Variants in PTPRO observed in about 807,000 individuals in gnomAD.
PTPRO encodes protein tyrosine phosphatase receptor type O.
A neutral mutation model predicts 145.2 loss-of-function variants in PTPRO; 62 were observed. The observed-to-expected ratio is 0.43, with a 90% CI of 0.35 to 0.53. The LOEUF is 0.53. Among genes scored for constraint, PTPRO ranks in the 20% least tolerant of loss-of-function variants. The probability of loss-of-function intolerance (pLI) is 0.01; values close to 1 mark genes in which losing one functional copy is unlikely to be tolerated. For synonymous variants in PTPRO, 565 were observed against 514.7 expected (o/e 1.10, Z -1.32); for missense variants, 1,345 against 1,482.7 (o/e 0.91, Z 1.53).
At chr12:15,503,673 C>T (rs951058518) in intron 5 of PTPRO, among the ~76,000 whole-genome samples, 9 of 152,008 alleles carry the variant, frequency 5.9e-5, no homozygotes, top group Admixed American at 2.6e-4. Flanking sequence ...AGACCCATCC[C>T]TAGTTTTATT....
At chr12:15,328,508 A>G (rs987373762) in intron 1 of PTPRO, among the ~76,000 whole-genome samples, 2 of 152,054 alleles carry the variant, frequency 1.3e-5, no homozygotes, top group Admixed American at 1.3e-4. Context: ...CCTTTTTTTC[A>G]GGAAATTGAG....
At chr12:15,550,240 T>A (rs1341101681) in intron 14 of PTPRO, among the ~76,000 whole-genome samples, 1 of 152,158 alleles carries the variant, frequency 6.6e-6, no homozygotes, top group African/African-American at 2.4e-5. Context: ...TAAAGTAAGC[T>A]AGAGAAAAGA....
intron 1 of PTPRO, among the ~76,000 whole-genome samples, chr12:15,398,081 T>A (rs531781164): frequency 4.3e-4 from 65 of 152,280 alleles, no homozygotes; most frequent in Non-Finnish European, 7.6e-4. Flanking sequence ...GCTGCTCCCA[T>A]CTTTAATGTG....
chr12:15,508,337 G>C (rs1427635949), intron 6 of PTPRO, among the ~76,000 whole-genome samples: 3 of 152,160 alleles, frequency 2.0e-5, no homozygotes, highest in African/African-American at 7.2e-5. Flanking sequence ...GATGATTGAA[G>C]TGGCACTTTT....
chr12:15,456,721 G>A (rs1433479498), intron 1 of PTPRO, among the ~76,000 whole-genome samples: 1 of 152,042 alleles, frequency 6.6e-6, no homozygotes, highest in East Asian at 1.9e-4. Flanking sequence ...ATACAGCCAT[G>A]TCTTCTAGGT....
intron 8 of PTPRO, among the ~76,000 whole-genome samples, 157 bp from the exon 9 acceptor site, chr12:15,516,606 A>AAAGGGAGGAAGGGAGG (rs1555172034): frequency 7.6e-5 from 9 of 118,776 alleles, no homozygotes; most frequent in African/African-American, 3.4e-4. Flanking sequence ...AGGAAGCAAG[A>AAAGGGAGGAAGGGAGG]AAGGGAGGAA....
At chr12:15,355,662 G>A (rs553639324) in intron 1 of PTPRO, among the ~76,000 whole-genome samples, 1 of 152,308 alleles carries the variant, frequency 6.6e-6, no homozygotes, top group South Asian at 2.1e-4. Context: ...CCCCAAAATA[G>A]AGCACTTTAA....
At chr12:15,509,835 T>C (rs4471493) in intron 7 of PTPRO, among the ~76,000 whole-genome samples, 87,339 of 151,920 alleles carry the variant, frequency 0.57, 26,403 homozygotes, top group Admixed American at 0.66. Context: ...CTCAGTAGTC[T>C]TGTGAGTGGC....
intron 1 of PTPRO, among the ~76,000 whole-genome samples, chr12:15,412,770 TTTG>T (rs1307839208): frequency 4.6e-5 from 7 of 152,152 alleles, no homozygotes; most frequent in Non-Finnish European, 8.8e-5. Flanking sequence ...ATAGAGGCTT[TTTG>T]TTGTTGTTGT....
chr12:15,477,289 G>A (rs560809798), intron 1 of PTPRO, among the ~76,000 whole-genome samples: 113 of 131,600 alleles, frequency 8.6e-4, no homozygotes, highest in African/African-American at 3.3e-3. Flanking sequence ...CACATAGGTG[G>A]GAATTGAACA....
Position 15,515,490 on chromosome 12 carries a change from G to A in PTPRO, c.1465-8G>A. 3 of 1,613,754 alleles carry A rather than the reference G, an allele frequency of 1.9e-6. No homozygotes were observed. Among genetic ancestry groups the A allele is most frequent in the Non-Finnish European group, 2.5e-6 (3 of 1,179,752 alleles). On this transcript the variant is annotated splice_region_variant and splice_polypyrimidine_tract_variant and intron_variant, in intron 7 of 26. Transcript: ENST00000281171. ...CTAAATAAATCTTATTGGGTGTTTG[G>A]TTTAAAGGTGAACTCAAGCAAACCT...
intron 18 of PTPRO, among the ~76,000 whole-genome samples, chr12:15,567,712 C>G (rs1943936321): frequency 6.6e-6 from 1 of 152,092 alleles, no homozygotes; most frequent in Non-Finnish European, 1.5e-5. Context: ...GGAGAGGAGT[C>G]CCAACTTTAG....
intron 14 of PTPRO, among the ~76,000 whole-genome samples, chr12:15,550,737 C>T (rs987609466): frequency 4.6e-5 from 7 of 152,160 alleles, no homozygotes; most frequent in African/African-American, 1.4e-4. Context: ...GGATCAGATG[C>T]ACCTGCTCAT....
chr12:15,446,084 C>G (rs1940893833), intron 1 of PTPRO, among the ~76,000 whole-genome samples: 1 of 152,108 alleles, frequency 6.6e-6, no homozygotes, highest in African/African-American at 2.4e-5. Context: ...TGGTGTCAAT[C>G]TATTCAGAAC....
At chr12:15,521,480 AT>A (rs1182865655) in intron 10 of PTPRO, among the ~76,000 whole-genome samples, 3 of 152,196 alleles carry the variant, frequency 2.0e-5, no homozygotes, top group Admixed American at 6.5e-5. Flanking sequence ...TGTATCAATA[AT>A]TCTTATAATT....
At chr12:15,546,468 A>G (rs1591712109) in intron 12 of PTPRO, 101 bp from the exon 13 acceptor site, 3 of 1,535,000 alleles carry the variant, frequency 2.0e-6, no homozygotes, top group South Asian at 2.4e-5. Context: ...GCTCTTACCT[A>G]CCTATATTTG....
intron 1 of PTPRO, among the ~76,000 whole-genome samples, chr12:15,417,811 CT>C (rs1337060371): frequency 2.0e-5 from 3 of 151,728 alleles, no homozygotes; most frequent in Non-Finnish European, 4.4e-5. Context: ...TCGCCAGGGC[CT>C]TTAATACTAG....
At chr12:15,464,592 C>T (rs1432964929) in intron 1 of PTPRO, among the ~76,000 whole-genome samples, 1 of 151,216 alleles carries the variant, frequency 6.6e-6, no homozygotes, top group Non-Finnish European at 1.5e-5. Flanking sequence ...CTCCTGACCT[C>T]AAGTGATCTG....
At chr12:15,484,743 T>C (rs544528223) in intron 2 of PTPRO, among the ~76,000 whole-genome samples, 41 of 152,270 alleles carry the variant, frequency 2.7e-4, no homozygotes, top group African/African-American at 9.6e-4. Context: ...CAAAATAGCT[T>C]TGCCTTCTAC....
Sources: allele counts gnomAD v4.1 joint callset (sites outside exome capture counted in the v4.1 genomes callset), GRCh38; gene constraint gnomAD v4.1.1; transcripts MANE v1.5; gene names NCBI Gene and HGNC (gene_info 2026-07-23, HGNC 2026-07-21).